EBF4: variants seen among roughly 807,000 people sequenced by gnomAD.
EBF4 encodes EBF transcription factor 4, also known as transcription factor COE4.
EBF4 carries 34 observed loss-of-function variants against 67.1 expected under a neutral mutation model. The observed-to-expected ratio is 0.51, with a 90% confidence interval of 0.39 to 0.67. EBF4 has a LOEUF of 0.67. Among genes scored for constraint, EBF4 ranks in the 30% least tolerant of loss-of-function variants. The pLI is 0.00. For missense variants in EBF4, 837 were observed against 873.3 expected, an observed-to-expected ratio of 0.96 and a Z score of 0.52; for synonymous variants, 387 against 377.7, an observed-to-expected ratio of 1.02 and a Z score of -0.29.
In EBF4 at chr20:2,739,342, A is replaced by C. The variant is rs1167518492; in HGVS notation, c.558-9207A>C. Among the ~76,000 whole-genome samples the C allele has an allele frequency of 6.7e-6, 1 of 150,260 alleles. No individual in the cohort carries two copies. Among genetic ancestry groups the C allele is most frequent in the African/African-American group, 2.5e-5 (1 of 40,772 alleles). Reference sequence around the variant, plus strand: ...GTGGTGGAGCTGTTAGTCCCTTTGCATGGAGGGCCCTGCCTCCTACTTCTC... The same window carrying C: ...GTGGTGGAGCTGTTAGTCCCTTTGCCTGGAGGGCCCTGCCTCCTACTTCTC... On this transcript the variant is annotated intron_variant, in intron 6 of 16. Coordinates refer to ENST00000609451, the Ensembl canonical transcript of EBF4. This position sits in a 1 kb window ranked among gnomAD's most constrained non-coding sequence, Gnocchi z 4.5.
chr20:2,753,337 G>A (rs1342584680), intron 14 of EBF4, among the ~76,000 whole-genome samples: 2 of 152,196 alleles, frequency 1.3e-5, no homozygotes, highest in African/African-American at 2.4e-5. Context: ...GGCAATGTCT[G>A]CATGTCATGA....
chr20:2,694,672 C>G (rs1222569627), intron 1 of EBF4, among the ~76,000 whole-genome samples: 1 of 152,104 alleles, frequency 6.6e-6, no homozygotes, highest in African/African-American at 2.4e-5. Flanking sequence ...ACTTGGCTTC[C>G]CAGAAGTCTG....
exon 3 of EBF4, chr20:2,706,003 G>A (rs1806218764): frequency 6.4e-7 from 1 of 1,551,468 alleles, no homozygotes; most frequent in African/African-American, 1.4e-5. Context: ...CTAACAATGG[G>A]ATCCATTACC....
chr20:2,713,908 C>G (rs1037209080), intron 6 of EBF4, among the ~76,000 whole-genome samples: 1 of 151,992 alleles, frequency 6.6e-6, no homozygotes, highest in South Asian at 2.1e-4. Context: ...GAGACAAGAT[C>G]GTTGGAGAAA....
rs1002698526 is a variant in EBF4 at position 2,756,846 on chromosome 20, A to G, written c.1738+1022A>G. 7.2e-5 allele frequency among the ~76,000 whole-genome samples: 11 copies of G among 152,244 alleles called. No homozygotes were observed. The highest frequency in any genetic ancestry group is 2.7e-4 in the African/African-American group (11 of 41,458). On this transcript the variant is annotated intron_variant, in intron 15 of 16. Transcript: ENST00000609451. The surrounding 1 kb of genome is among the most constrained non-coding windows in gnomAD (Gnocchi z 4.5). ...TTGAAATTACGTAAGTGGCTACTGA[A>G]GAATTTGTCAGAGCCTTTCATGTGC...
At chr20:2,741,657 G>T (rs975282702) in intron 6 of EBF4, among the ~76,000 whole-genome samples, 1 of 152,166 alleles carries the variant, frequency 6.6e-6, no homozygotes, top group Non-Finnish European at 1.5e-5. Flanking sequence ...TCAGGATGTG[G>T]TAAGGTGGGT....
chr20:2,755,405 G>T lies in EBF4; in HGVS notation c.1541-222G>T. 1.8e-6 allele frequency: 1 copy of T among 559,398 alleles called. No individual in the cohort carries two copies. Among genetic ancestry groups the T allele is most frequent in the Non-Finnish European group, 3.2e-6 (1 of 315,608 alleles). The allele number at this position is 559,398 out of a possible 1,614,324, so 34.7% of individuals were successfully genotyped here. On this transcript the variant is annotated intron_variant, in intron 14 of 16. Coordinates refer to ENST00000609451, the Ensembl canonical transcript of EBF4. The surrounding 1 kb of genome is among the most constrained non-coding windows in gnomAD (Gnocchi z 4.7). ...CTGGTTTTGCTTTTGTCTTTACCTG[G>T]TCTGGCCCTGTCATCCCCAGCCCCG...
chr20:2,715,887 T>C (rs2087601942), intron 6 of EBF4, among the ~76,000 whole-genome samples: 1 of 152,114 alleles, frequency 6.6e-6, no homozygotes, highest in South Asian at 2.1e-4. Flanking sequence ...TAGCTGGGAT[T>C]ACAGGCGCAC....
rs1261928022 is a variant in EBF4, at chr20:2,747,602, G to A, written c.558-947G>A. Among the ~76,000 whole-genome samples the A allele has an allele frequency of 2.0e-5, 3 of 152,172 alleles. No individual in the cohort carries two copies. Among genetic ancestry groups the A allele is most frequent in the African/African-American group, 7.2e-5 (3 of 41,434 alleles). Reference sequence around the variant, plus strand: ...GTGGGTATGTGCTCTGTATGATTAAGCTTTTCCTATGTGTATAATGGATAT... The same window carrying A: ...GTGGGTATGTGCTCTGTATGATTAAACTTTTCCTATGTGTATAATGGATAT... On this transcript the variant is annotated intron_variant, in intron 6 of 16. Coordinates refer to ENST00000609451, the Ensembl canonical transcript of EBF4. This position sits in a 1 kb window ranked among gnomAD's most constrained non-coding sequence, Gnocchi z 4.6.
At chr20:2,700,283 C>T (rs2087355233) in intron 1 of EBF4, among the ~76,000 whole-genome samples, 1 of 152,108 alleles carries the variant, frequency 6.6e-6, no homozygotes, top group Admixed American at 6.6e-5. Flanking sequence ...GCCCAGATAA[C>T]ACTGTTGGTA....
chr20:2,720,093 T>TGG, intron 6 of EBF4, among the ~76,000 whole-genome samples: 1 of 152,226 alleles, frequency 6.6e-6, no homozygotes, highest in Admixed American at 6.5e-5. Context: ...CTAGAATTAT[T>TGG]ATGTCTTCTT....
At position 2,752,343 on chromosome 20, in the gene EBF4, G is replaced by T. The variant is rs887113701; in HGVS notation, c.1352-14G>T. On this transcript the variant is annotated splice_polypyrimidine_tract_variant and intron_variant, in intron 13 of 16. Transcript: ENST00000609451. ...GCCGGCACCGCCCCCTGACGGCCGCGCTCTCTCTCGCAGGCTACGCGCGCA... is the reference window on the plus strand; with the variant it reads ...GCCGGCACCGCCCCCTGACGGCCGCTCTCTCTCTCGCAGGCTACGCGCGCA... 2.3e-5 allele frequency: 28 copies of T among 1,200,618 alleles called. No homozygotes were observed. The highest frequency in any genetic ancestry group is 2.8e-5 in the Non-Finnish European group (27 of 969,936). The allele number at this position is 1,200,618 out of a possible 1,614,324, so 74.4% of individuals were successfully genotyped here. A position where few individuals can be genotyped will look rare whatever the true frequency, so the allele number is the denominator to read the frequency against.
At chr20:2,742,338 TG>T (rs376834855) in intron 6 of EBF4, among the ~76,000 whole-genome samples, 2 of 152,356 alleles carry the variant, frequency 1.3e-5, no homozygotes, top group East Asian at 3.9e-4. Context: ...AGCAGCGTTC[TG>T]GGCAGTTGCT....
chr20:2,703,792 G>C (rs960531465), intron 1 of EBF4, among the ~76,000 whole-genome samples: 3 of 152,168 alleles, frequency 2.0e-5, no homozygotes, highest in Non-Finnish European at 4.4e-5. Context: ...AATTTCTGAG[G>C]TCAGAATAAG....
intron 10 of EBF4, among the ~76,000 whole-genome samples, chr20:2,750,599 C>A (rs1002873277): frequency 6.6e-6 from 1 of 152,064 alleles, no homozygotes; most frequent in Non-Finnish European, 1.5e-5. Flanking sequence ...TCCACCCCAC[C>A]GCAGTCCCCA....
Position 2,755,897 on chromosome 20 carries a change from G to C in EBF4, c.1738+73G>C. 1 of 1,387,558 alleles carries C rather than the reference G, an allele frequency of 7.2e-7. No homozygotes were observed. The highest frequency in any genetic ancestry group is 9.7e-7 in the Non-Finnish European group (1 of 1,027,528). The allele number at this position is 1,387,558 out of a possible 1,614,324, so 86.0% of individuals were successfully genotyped here. On this transcript the variant is annotated intron_variant, in intron 15 of 16. Transcript: ENST00000609451. The surrounding 1 kb of genome is among the most constrained non-coding windows in gnomAD (Gnocchi z 4.7). ...TGGAGCAGCTGGGCTACAGGGGCCT[G>C]CTCTGTCCACATCTCACCAGTGCCT...
intron 1 of EBF4, among the ~76,000 whole-genome samples, chr20:2,695,530 C>G (rs983135384): frequency 6.6e-6 from 1 of 152,180 alleles, no homozygotes; most frequent in Non-Finnish European, 1.5e-5. Flanking sequence ...TCTTCAGGCT[C>G]GGTCTGCTAA....
intron 6 of EBF4, among the ~76,000 whole-genome samples, chr20:2,733,113 A>T (rs947618878): frequency 2.6e-5 from 4 of 152,148 alleles, no homozygotes; most frequent in African/African-American, 9.7e-5. Flanking sequence ...TTTATCTGAA[A>T]ATGTCTCAAT....
intron 6 of EBF4, among the ~76,000 whole-genome samples, chr20:2,716,090 G>T (rs547651855): frequency 2.6e-5 from 4 of 151,958 alleles, no homozygotes; most frequent in African/African-American, 9.6e-5. Flanking sequence ...AGGCACAATA[G>T]CTCATGCCTA....
Sources: allele counts gnomAD v4.1 joint callset (sites outside exome capture counted in the v4.1 genomes callset), GRCh38; gene constraint gnomAD v4.1.1; non-coding constraint Gnocchi (gnomAD v3.1); transcripts MANE v1.5; gene names NCBI Gene and HGNC (gene_info 2026-07-23, HGNC 2026-07-21).